Variants in RANBP2 observed in about 807,000 individuals in gnomAD.
RANBP2 encodes RAN binding protein 2.
RANBP2 carries 57 observed loss-of-function variants against 303.6 expected under a neutral mutation model. The ratio of observed to expected loss-of-function variants is 0.19; its 90% CI spans 0.15 to 0.23. RANBP2 has a LOEUF of 0.23. Among genes scored for constraint, RANBP2 ranks in the 10% least tolerant of loss-of-function variants. RANBP2 has a pLI of 1.00. For missense variants in RANBP2, 3,138 were observed against 3,780.8 expected (o/e 0.83, Z 4.46); for synonymous variants, 1,167 against 1,301.5 (o/e 0.90, Z 2.23).
the RANBP2 span, among the ~76,000 whole-genome samples, chr2:109,278,010 CAAAAAAAA>C: frequency 1.2e-5 from 1 of 81,326 alleles, no homozygotes; most frequent in Non-Finnish European, 2.3e-5. Flanking sequence ...CTGTCTCTAA[CAAAAAAAA>C]AAAAAAAAAA....
chr2:109,321,836 A>G, the RANBP2 span, among the ~76,000 whole-genome samples: 874 of 152,328 alleles, frequency 5.7e-3, 9 homozygotes, highest in African/African-American at 0.02. Context: ...GGCCATGACA[A>G]TCCCAAGGTT....
the RANBP2 span, among the ~76,000 whole-genome samples, chr2:109,763,051 T>C: frequency 6.7e-6 from 1 of 149,874 alleles, no homozygotes. Context: ...TTGAGAACTT[T>C]CTGTGTGTCC....
intron 6 of RANBP2, among the ~76,000 whole-genome samples, chr2:108,737,907 G>A (rs904679108): frequency 5.3e-5 from 8 of 151,558 alleles, no homozygotes; most frequent in East Asian, 3.9e-4. Context: ...GTAGAGACGG[G>A]GTTTCACCGT....
the RANBP2 span, among the ~76,000 whole-genome samples, chr2:109,652,016 C>T: frequency 2.0e-5 from 3 of 152,202 alleles, no homozygotes; most frequent in Admixed American, 1.3e-4. Context: ...GTGACAGGGG[C>T]CAATGCTTCC....
the RANBP2 span, among the ~76,000 whole-genome samples, chr2:109,631,418 T>A: frequency 6.6e-6 from 1 of 152,244 alleles, no homozygotes; most frequent in Non-Finnish European, 1.5e-5. Flanking sequence ...GAGTTAAGTA[T>A]ATAGATATCA....
At chr2:109,447,563 C>T in the RANBP2 span, among the ~76,000 whole-genome samples, 1 of 152,086 alleles carries the variant, frequency 6.6e-6, no homozygotes, top group African/African-American at 2.4e-5. Flanking sequence ...ATGTGAGCTG[C>T]GTGGTGCTGC....
the RANBP2 span, among the ~76,000 whole-genome samples, chr2:109,391,033 C>T: frequency 3.9e-5 from 6 of 152,344 alleles, no homozygotes; most frequent in South Asian, 1.2e-3. Context: ...ACCTGCCTCT[C>T]ATGGGACCAG....
chr2:109,507,034 T>C, the RANBP2 span, among the ~76,000 whole-genome samples: 21 of 152,286 alleles, frequency 1.4e-4, no homozygotes, highest in East Asian at 3.9e-3. Context: ...TCTTGGGGGC[T>C]GGAGGCTACA....
At chr2:108,740,239 T>G (rs1190137976) in intron 6 of RANBP2, among the ~76,000 whole-genome samples, 1 of 152,170 alleles carries the variant, frequency 6.6e-6, no homozygotes, top group Non-Finnish European at 1.5e-5. Flanking sequence ...CTTATATTTA[T>G]CCTGTGATTG....
At chr2:108,833,159 C>T in the RANBP2 span, among the ~76,000 whole-genome samples, 3 of 152,186 alleles carry the variant, frequency 2.0e-5, no homozygotes, top group Non-Finnish European at 2.9e-5. Context: ...AAATTATTTC[C>T]TGTGATACAT....
At chr2:109,488,048 G>C in the RANBP2 span, among the ~76,000 whole-genome samples, 183 of 152,316 alleles carry the variant, frequency 1.2e-3, no homozygotes, top group Non-Finnish European at 2.1e-3. Context: ...GACAACGCAA[G>C]GCCACCCAGG....
At chr2:108,793,548 C>T in the RANBP2 span, among the ~76,000 whole-genome samples, 1 of 152,134 alleles carries the variant, frequency 6.6e-6, no homozygotes, top group South Asian at 2.1e-4. Context: ...ACCCTATGAT[C>T]TAGCAATTTT....
At chr2:108,734,328 T>TAGG (rs536173941) in intron 4 of RANBP2, among the ~76,000 whole-genome samples, 11 of 152,114 alleles carry the variant, frequency 7.2e-5, no homozygotes, top group Admixed American at 3.9e-4. Context: ...GTTGAGGAAA[T>TAGG]AGGAGGTGTG....
the RANBP2 span, among the ~76,000 whole-genome samples, chr2:109,043,840 A>G: frequency 6.6e-6 from 1 of 152,166 alleles, no homozygotes; most frequent in African/African-American, 2.4e-5. Flanking sequence ...TGCTTTAGAA[A>G]GGTGGTTGGA....
chr2:108,782,338 A>T lies in RANBP2; in HGVS notation c.8971A>T (p.Met2991Leu), dbSNP rs1437267486. 6.2e-7 allele frequency: 1 copy of T among 1,614,218 alleles called. No individual in the cohort carries two copies. The highest frequency in any genetic ancestry group is 1.7e-5 in the Admixed American group (1 of 60,034). The change falls in exon 27 of 29, where the codon ATG becomes TTG. Residue 2991 changes from methionine (M) to leucine (L), a missense_variant. Around this residue, in one of 20 missense-constraint regions of RANBP2, gnomAD observed 204 missense variants for 228.4 expected, o/e 0.89. Transcript: ENST00000283195. ...TGCAAACCACGTTATTACTAAAACA[A>T]TGGAATTAAAGCCCTTAAATGTTTC... ...VCANHVITKT[M>L]ELKPLNVSNN...
chr2:109,025,151 C>T, the RANBP2 span, among the ~76,000 whole-genome samples: 1 of 152,156 alleles, frequency 6.6e-6, no homozygotes, highest in Non-Finnish European at 1.5e-5. Context: ...CTTGGGTTTT[C>T]AAGGCTTGCA....
chr2:109,170,372 A>T, the RANBP2 span, among the ~76,000 whole-genome samples: 1 of 140,254 alleles, frequency 7.1e-6, no homozygotes, highest in Non-Finnish European at 1.5e-5. Flanking sequence ...TTTTGACCAC[A>T]TCTTGTTCTG....
the RANBP2 span, among the ~76,000 whole-genome samples, chr2:109,700,475 CG>C: frequency 1.3e-5 from 2 of 151,986 alleles, no homozygotes; most frequent in South Asian, 4.2e-4. Flanking sequence ...TGGAAGGAAG[CG>C]GGGAGGGCGC....
the RANBP2 span, among the ~76,000 whole-genome samples, chr2:109,138,309 C>T: frequency 6.6e-6 from 1 of 152,198 alleles, no homozygotes; most frequent in Non-Finnish European, 1.5e-5. Flanking sequence ...TTACAGGTGT[C>T]AGCCACTTCG....
Sources: allele counts gnomAD v4.1 joint callset (sites outside exome capture counted in the v4.1 genomes callset), GRCh38; gene constraint gnomAD v4.1.1; regional missense constraint gnomAD v4.1.1; transcripts MANE v1.5; gene names NCBI Gene and HGNC (gene_info 2026-07-23, HGNC 2026-07-21).